ZNF678: variants seen among roughly 807,000 people sequenced by gnomAD.
ZNF678 encodes the protein zinc finger protein 678.
Under a neutral mutation model 3.0 loss-of-function variants are expected in ZNF678, and 5 were observed. That is an observed-to-expected ratio of 1.69 (90% CI 0.88 to 3.56). ZNF678 has a LOEUF of 3.56. Among genes scored for constraint, ZNF678 ranks in the 30% most tolerant of loss-of-function variants. The pLI, the probability that ZNF678 is intolerant of heterozygous loss-of-function variation, is 0.00. For synonymous variants in ZNF678, 218 were observed against 199.6 expected, an observed-to-expected ratio of 1.09 and a Z score of -0.78; for missense variants, 593 against 605.0, an observed-to-expected ratio of 0.98 and a Z score of 0.21.
chr1:227,635,391 A>C (rs1227546717), intron 1 of ZNF678, among the ~76,000 whole-genome samples: 7 of 152,224 alleles, frequency 4.6e-5, no homozygotes, highest in South Asian at 4.1e-4. Flanking sequence ...TTCCAAAACT[A>C]TCTTATGTCA....
At chr1:227,584,491 G>T (rs1438901545) in intron 1 of ZNF678, among the ~76,000 whole-genome samples, 1 of 152,296 alleles carries the variant, frequency 6.6e-6, no homozygotes, top group African/African-American at 2.4e-5. Flanking sequence ...TCCAGCTAAG[G>T]CTGATCACTT....
downstream of ZNF678, among the ~76,000 whole-genome samples, chr1:227,666,378 T>A (rs575359296): frequency 7.9e-5 from 12 of 152,328 alleles, no homozygotes; most frequent in South Asian, 2.3e-3. Context: ...CATTAATCTA[T>A]TGTGTCTGGA....
rs1488900495 is a variant in ZNF678, at chr1:227,650,863, GAT to G, written c.-36-91_-36-90del. 3 of 912,360 alleles carry G rather than the reference GAT, an allele frequency of 3.3e-6. No individual in the cohort carries two copies. In the Admixed American group the frequency reaches 7.0e-5, roughly 21 times the overall value. The allele number at this position is 912,360 out of a possible 1,614,324, so 56.5% of individuals were successfully genotyped here. On this transcript the variant is annotated intron_variant, in intron 2 of 3. Transcript: ENST00000343776. Reference sequence around the variant, plus strand: ...ATTTGTTATGGCTTTCTACATATAAGATAATGTCATCAACAAACAGCAGTATT... The same window carrying G: ...ATTTGTTATGGCTTTCTACATATAAGAATGTCATCAACAAACAGCAGTATT...
chr1:227,635,376 C>G (rs929046499), intron 1 of ZNF678, among the ~76,000 whole-genome samples: 3 of 152,174 alleles, frequency 2.0e-5, no homozygotes, highest in African/African-American at 7.2e-5. Flanking sequence ...GGACCTGGCT[C>G]CAAGTTCCAA....
downstream of ZNF678, among the ~76,000 whole-genome samples, chr1:227,677,876 C>T (rs537882035): frequency 5.3e-5 from 8 of 152,184 alleles, no homozygotes; most frequent in Admixed American, 1.3e-4. Context: ...CCAAGGGCTC[C>T]CTGCCAAATA....
intron 1 of ZNF678, among the ~76,000 whole-genome samples, chr1:227,568,417 G>A (rs943111289): frequency 2.0e-5 from 3 of 152,046 alleles, no homozygotes. Context: ...AAAAAAAAAG[G>A]GAGCATCATC....
intron 1 of ZNF678, among the ~76,000 whole-genome samples, chr1:227,621,725 C>G (rs1406444595): frequency 1.3e-5 from 2 of 152,130 alleles, no homozygotes; most frequent in African/African-American, 4.8e-5. Flanking sequence ...TCTAAGCCCC[C>G]CAACTGAATG....
intron 1 of ZNF678, among the ~76,000 whole-genome samples, chr1:227,591,389 C>T (rs1358946891): frequency 2.0e-5 from 3 of 151,998 alleles, no homozygotes; most frequent in Non-Finnish European, 4.4e-5. Context: ...ATTTAAGTAG[C>T]CTAAATGACA....
downstream of ZNF678, among the ~76,000 whole-genome samples, chr1:227,664,293 G>T (rs1445563704): frequency 6.6e-6 from 1 of 152,126 alleles, no homozygotes; most frequent in Non-Finnish European, 1.5e-5. Flanking sequence ...AGACAAAATT[G>T]TTTTTCAACA....
intron 1 of ZNF678, among the ~76,000 whole-genome samples, chr1:227,632,982 G>A (rs557698050): frequency 8.5e-5 from 13 of 152,264 alleles, no homozygotes; most frequent in South Asian, 2.1e-4. Flanking sequence ...GAAGAGAACC[G>A]TGGAACCCAG....
At chr1:227,611,148 CTCGGT>C (rs2102760152) in intron 1 of ZNF678, among the ~76,000 whole-genome samples, 1 of 152,284 alleles carries the variant, frequency 6.6e-6, no homozygotes, top group Admixed American at 6.5e-5. Context: ...AATGGGCTAC[CTCGGT>C]AGTCCTCCAC....
chr1:227,622,296 CAA>C (rs1343562129), intron 1 of ZNF678, among the ~76,000 whole-genome samples: 1 of 152,236 alleles, frequency 6.6e-6, no homozygotes, highest in Non-Finnish European at 1.5e-5. Context: ...ATTGCCAATA[CAA>C]AGTCTTTGCA....
intron 1 of ZNF678, among the ~76,000 whole-genome samples, chr1:227,576,265 G>T (rs1343342718): frequency 6.6e-6 from 1 of 152,180 alleles, no homozygotes; most frequent in Non-Finnish European, 1.5e-5. Flanking sequence ...TGGCTTCAGA[G>T]AATGTGTTAG....
intron 1 of ZNF678, among the ~76,000 whole-genome samples, chr1:227,575,467 T>G (rs975786806): frequency 6.6e-6 from 1 of 152,148 alleles, no homozygotes; most frequent in Non-Finnish European, 1.5e-5. Context: ...CCTTCCTAGT[T>G]AGCTGTATTT....
In ZNF678 at chr1:227,614,995, C is replaced by T. The variant is rs558444964; in HGVS notation, c.-163-31549C>T. Reference sequence around the variant, plus strand: ...GATTTACACATTACGCAGCCTTCAGCACCAGAAGAGGCAAGAGCTCTGCTC... The same window carrying T: ...GATTTACACATTACGCAGCCTTCAGTACCAGAAGAGGCAAGAGCTCTGCTC... On this transcript the variant is annotated intron_variant, in intron 1 of 3. Coordinates refer to ENST00000343776, the MANE Select transcript of ZNF678 (RefSeq NM_001367909.1). 3.3e-5 allele frequency among the ~76,000 whole-genome samples: 5 copies of T among 152,344 alleles called. No individual in the cohort carries two copies. In the East Asian group the frequency reaches 9.6e-4, roughly 29 times the overall value.
At chr1:227,575,690 C>T (rs1017962752) in intron 1 of ZNF678, among the ~76,000 whole-genome samples, 2 of 152,154 alleles carry the variant, frequency 1.3e-5, no homozygotes, top group Non-Finnish European at 2.9e-5. Flanking sequence ...CATCTGCAAA[C>T]AGGTATAGTT....
chr1:227,626,345 C>A (rs1301470817), intron 1 of ZNF678, among the ~76,000 whole-genome samples: 2 of 152,132 alleles, frequency 1.3e-5, no homozygotes, highest in African/African-American at 2.4e-5. Flanking sequence ...TCTACTCCAG[C>A]CATTTTAACC....
At chr1:227,635,461 A>G (rs946998624) in intron 1 of ZNF678, among the ~76,000 whole-genome samples, 14 of 151,764 alleles carry the variant, frequency 9.2e-5, no homozygotes, top group Non-Finnish European at 1.9e-4. Context: ...TTTGTTGACT[A>G]TAGCCAAAAC....
At position 227,659,792 on chromosome 1, in the gene ZNF678, G is replaced by A. The variant is rs1659352391; in HGVS notation, c.*3964G>A. 1 of 151,390 alleles carries A rather than the reference G, an allele frequency of 6.6e-6. No individual in the cohort carries two copies. Among genetic ancestry groups the A allele is most frequent in the African/African-American group, 2.4e-5 (1 of 41,194 alleles). 9.4% of individuals were successfully genotyped at this position (151,390 alleles called of 1,614,324 possible). A position where few individuals can be genotyped will look rare whatever the true frequency, so the allele number is the denominator to read the frequency against. ...ATATATATATCTTGTAACACATGATGTTTGAAATGCTTAATTCTAGCCAAT... is the reference window on the plus strand; with the variant it reads ...ATATATATATCTTGTAACACATGATATTTGAAATGCTTAATTCTAGCCAAT... On this transcript the variant is annotated 3_prime_UTR_variant, in exon 4 of 4. Coordinates refer to ENST00000343776, the MANE Select transcript of ZNF678 (RefSeq NM_001367909.1).
Sources: allele counts gnomAD v4.1 joint callset (sites outside exome capture counted in the v4.1 genomes callset), GRCh38; gene constraint gnomAD v4.1.1; transcripts MANE v1.5; gene names NCBI Gene and HGNC (gene_info 2026-07-23, HGNC 2026-07-21).